The following CDK8 variants were observed in gnomAD, a reference collection of about 807,000 sequenced individuals.
CDK8 encodes cyclin-dependent kinase 8.
In CDK8, 29 loss-of-function variants were observed where a neutral mutation model predicts 71.5. The ratio of observed to expected loss-of-function variants is 0.41; its 90% CI spans 0.30 to 0.55. The LOEUF (loss-of-function observed/expected upper bound fraction) is 0.55, where lower values mean the gene tolerates loss of function less well. CDK8 is among the 20% of genes least tolerant of loss of function. The probability of loss-of-function intolerance (pLI) is 0.37; values close to 1 mark genes in which losing one functional copy is unlikely to be tolerated. For missense variants in CDK8, 288 were observed against 572.6 expected (o/e 0.50, Z 5.07); for synonymous variants, 161 against 192.1 (o/e 0.84, Z 1.34).
intron 1 of CDK8, among the ~76,000 whole-genome samples, chr13:26,282,751 C>T (rs915643271): frequency 6.6e-6 from 1 of 152,172 alleles, no homozygotes. Flanking sequence ...CTAAATGCTC[C>T]TCTTAAAATA....
chr13:26,363,461 G>T (rs1874244212), intron 4 of CDK8, among the ~76,000 whole-genome samples: 1 of 151,898 alleles, frequency 6.6e-6, no homozygotes, highest in South Asian at 2.1e-4. Flanking sequence ...TCTAGATTTG[G>T]GGAGTGTTTC....
intron 1 of CDK8, among the ~76,000 whole-genome samples, chr13:26,332,866 G>A (rs935708093): frequency 3.3e-5 from 5 of 152,076 alleles, no homozygotes; most frequent in East Asian, 1.9e-4. Flanking sequence ...CATACATTGC[G>A]TTGTCTCCTC....
In CDK8 at chr13:26,404,191, T is replaced by C; in HGVS notation, c.*110T>C. ...TGAGAATGTACTGTACAACCACATC[T>C]TCAAAATGTCCAGTAGCCAAGTTCC... is the stretch of plus-strand genomic sequence containing the variant. On this transcript the variant is annotated 3_prime_UTR_variant, in exon 13 of 13. Coordinates refer to ENST00000381527, the MANE Select transcript of CDK8 (RefSeq NM_001260.3). 7.9e-7 allele frequency: 1 copy of C among 1,264,560 alleles called. No homozygotes were observed. 78.3% of individuals were successfully genotyped at this position (1,264,560 alleles called of 1,614,324 possible).
At chr13:26,367,771 A>AG (rs1365909039) in intron 4 of CDK8, among the ~76,000 whole-genome samples, 3 of 152,184 alleles carry the variant, frequency 2.0e-5, no homozygotes, top group Non-Finnish European at 4.4e-5. Context: ...TTTTTTTGTT[A>AG]GCTCTTCCTT....
intron 1 of CDK8, among the ~76,000 whole-genome samples, chr13:26,262,388 GTA>G (rs1388455353): frequency 1.1e-4 from 15 of 142,682 alleles, no homozygotes; most frequent in East Asian, 5.8e-4. Flanking sequence ...GTACTTTTGT[GTA>G]TGTGTGTGTG....
chr13:26,332,968 A>G (rs1004285157), intron 1 of CDK8, among the ~76,000 whole-genome samples: 2 of 152,140 alleles, frequency 1.3e-5, no homozygotes, highest in African/African-American at 4.8e-5. Flanking sequence ...TTGATGCCTG[A>G]TGCCACAAGT....
intron 3 of CDK8, among the ~76,000 whole-genome samples, chr13:26,351,297 T>A (rs571298030): frequency 6.6e-6 from 1 of 152,290 alleles, no homozygotes; most frequent in South Asian, 2.1e-4. Flanking sequence ...TGAAATTTTC[T>A]CTCTTTTATG....
At chr13:26,374,388 T>G (rs1458816509) in intron 4 of CDK8, among the ~76,000 whole-genome samples, 2 of 152,176 alleles carry the variant, frequency 1.3e-5, no homozygotes, top group East Asian at 3.9e-4. Flanking sequence ...TGGATCACAG[T>G]ATATTAAATG....
intron 6 of CDK8, among the ~76,000 whole-genome samples, chr13:26,389,687 C>A (rs1875653575): frequency 6.6e-6 from 1 of 152,000 alleles, no homozygotes; most frequent in Admixed American, 6.5e-5. Context: ...TATACACAAA[C>A]CACTTTCAAT....
intron 9 of CDK8, among the ~76,000 whole-genome samples, chr13:26,398,684 G>C (rs2138070924): frequency 6.6e-6 from 1 of 152,170 alleles, no homozygotes. Flanking sequence ...CTTAAAATAT[G>C]TCGTGTCGGC....
intron 1 of CDK8, among the ~76,000 whole-genome samples, chr13:26,290,462 A>G (rs956708436): frequency 1.3e-5 from 2 of 152,162 alleles, no homozygotes; most frequent in African/African-American, 4.8e-5. Flanking sequence ...TGTATGTTAT[A>G]GGAGCTAAGA....
At chr13:26,271,320 G>A (rs2137870759) in intron 1 of CDK8, among the ~76,000 whole-genome samples, 1 of 152,196 alleles carries the variant, frequency 6.6e-6, no homozygotes, top group Middle Eastern at 3.4e-3. Flanking sequence ...ACATCATAGA[G>A]CATACTCAGA....
At chr13:26,295,413 A>G (rs1368910020) in intron 1 of CDK8, among the ~76,000 whole-genome samples, 1 of 152,206 alleles carries the variant, frequency 6.6e-6, no homozygotes, top group East Asian at 1.9e-4. Context: ...TCAGAGGGGA[A>G]GGCAAAAGAG....
At chr13:26,264,361 C>G (rs2137859149) in intron 1 of CDK8, among the ~76,000 whole-genome samples, 1 of 152,130 alleles carries the variant, frequency 6.6e-6, no homozygotes, top group South Asian at 2.1e-4. Flanking sequence ...TCATGGCTCA[C>G]TTCAGCCTTG....
intron 1 of CDK8, among the ~76,000 whole-genome samples, chr13:26,308,753 T>C (rs978931025): frequency 1.2e-4 from 18 of 152,232 alleles, no homozygotes; most frequent in Admixed American, 9.2e-4. Context: ...TTGTTCATAC[T>C]GCTTCTAGTT....
At chr13:26,296,647 G>C (rs923202928) in intron 1 of CDK8, among the ~76,000 whole-genome samples, 5 of 152,162 alleles carry the variant, frequency 3.3e-5, no homozygotes, top group African/African-American at 1.2e-4. Flanking sequence ...GTGTCATGAA[G>C]TTAACATTAA....
intron 1 of CDK8, among the ~76,000 whole-genome samples, chr13:26,295,950 T>A (rs537470148): frequency 6.6e-6 from 1 of 152,282 alleles, no homozygotes; most frequent in East Asian, 1.9e-4. Flanking sequence ...TTGGATCATT[T>A]GACTGGACAG....
chr13:26,318,848 TA>T (rs1874631720), intron 1 of CDK8, among the ~76,000 whole-genome samples: 1 of 152,166 alleles, frequency 6.6e-6, no homozygotes, highest in African/African-American at 2.4e-5. Context: ...AAACTCACAG[TA>T]AACATTATAG....
At chr13:26,346,219 G>T (rs191780212) in intron 2 of CDK8, among the ~76,000 whole-genome samples, 20 of 152,272 alleles carry the variant, frequency 1.3e-4, no homozygotes, top group African/African-American at 4.3e-4. Flanking sequence ...ATTTCATGGG[G>T]CTAATTCATG....
Sources: allele counts gnomAD v4.1 joint callset (sites outside exome capture counted in the v4.1 genomes callset), GRCh38; gene constraint gnomAD v4.1.1; transcripts MANE v1.5; gene names NCBI Gene and HGNC (gene_info 2026-07-23, HGNC 2026-07-21).